Variants in EYS observed in about 807,000 individuals in gnomAD.
EYS encodes the protein protein eyes shut homolog.
A neutral mutation model predicts 282.1 loss-of-function variants in EYS; 250 were observed. That is an observed-to-expected ratio of 0.89 (90% CI 0.80 to 0.98). EYS has a LOEUF of 0.98. EYS is among the 50% of genes least tolerant of loss of function. EYS has a pLI of 0.00. For synonymous variants in EYS, 1,355 were observed against 1,282.9 expected (o/e 1.06, Z -1.20); for missense variants, 4,016 against 3,709.0 (o/e 1.08, Z -2.15).
At chr6:64,393,745 C>T in intron 28 of EYS, among the ~76,000 whole-genome samples, 1 of 151,606 alleles carries the variant, frequency 6.6e-6, no homozygotes, top group East Asian at 1.9e-4. Flanking sequence ...CCTCTCTCAC[C>T]ACTCCTATTC....
chr6:65,248,197 T>C (rs778410076), intron 12 of EYS, among the ~76,000 whole-genome samples: 2 of 152,106 alleles, frequency 1.3e-5, no homozygotes, highest in Non-Finnish European at 2.9e-5. Flanking sequence ...AGAAATATTT[T>C]ATTTTACATT....
intron 26 of EYS, among the ~76,000 whole-genome samples, chr6:64,443,800 C>T (rs1180707903): frequency 6.6e-6 from 1 of 152,120 alleles, no homozygotes; most frequent in Non-Finnish European, 1.5e-5. Flanking sequence ...TGTGAGGCCT[C>T]CCCAGCCATG....
At chr6:64,404,372 AGT>A (rs774352647) in intron 28 of EYS, among the ~76,000 whole-genome samples, 36,413 of 139,598 alleles carry the variant, frequency 0.26, 4,938 homozygotes, top group East Asian at 0.4. Context: ...TGTAATATAG[AGT>A]GTGAGAGTGT....
At chr6:64,197,284 G>A (rs1183716050) in intron 31 of EYS, among the ~76,000 whole-genome samples, 1 of 152,122 alleles carries the variant, frequency 6.6e-6, no homozygotes, top group African/African-American at 2.4e-5. Context: ...GTGTGTGTGT[G>A]CATTGAAATT....
chr6:64,902,397 T>C lies in EYS; in HGVS notation c.2738+7A>G, dbSNP rs1583277836. The C allele has an allele frequency of 6.5e-7, 1 of 1,532,998 alleles. No individual in the cohort carries two copies. The allele number at this position is 1,532,998 out of a possible 1,614,324, so 95.0% of individuals were successfully genotyped here. A position where few individuals can be genotyped will look rare whatever the true frequency, so the allele number is the denominator to read the frequency against. ...ATGTATCTAGATACTTTTTAAGTTT[T>C]CTGTACCTGAAATTGTTGACCATAT... On this transcript the variant is annotated splice_region_variant and intron_variant, in intron 17 of 42. Transcript: ENST00000503581.
chr6:65,368,129 T>A (rs528718998), intron 8 of EYS, among the ~76,000 whole-genome samples: 32 of 151,364 alleles, frequency 2.1e-4, no homozygotes, highest in Middle Eastern at 3.4e-3. Flanking sequence ...AAAAAAACCA[T>A]CAGATATTGT....
At chr6:65,425,315 C>A (rs1767618862) in intron 5 of EYS, among the ~76,000 whole-genome samples, 1 of 151,940 alleles carries the variant, frequency 6.6e-6, no homozygotes, top group South Asian at 2.1e-4. Flanking sequence ...AGTAAACGTG[C>A]AAAACAAGTA....
chr6:64,043,888 T>A (rs1770502515), intron 33 of EYS, among the ~76,000 whole-genome samples: 1 of 152,216 alleles, frequency 6.6e-6, no homozygotes, highest in South Asian at 2.1e-4. Flanking sequence ...TATGCCACCA[T>A]TACTGTTCCC....
At chr6:65,393,063 A>G (rs1319062825) in intron 7 of EYS, among the ~76,000 whole-genome samples, 1 of 151,940 alleles carries the variant, frequency 6.6e-6, no homozygotes, top group African/African-American at 2.4e-5. Flanking sequence ...TCAGTAAACT[A>G]TGGCAAGAAC....
chr6:64,999,286 T>C (rs1224019444), intron 13 of EYS, among the ~76,000 whole-genome samples: 2 of 152,246 alleles, frequency 1.3e-5, no homozygotes, highest in African/African-American at 4.8e-5. Context: ...TTTTCTCATA[T>C]GTAATTTGTT....
chr6:65,150,180 T>TG (rs1764578520), intron 12 of EYS, among the ~76,000 whole-genome samples: 1 of 152,042 alleles, frequency 6.6e-6, no homozygotes, highest in Admixed American at 6.6e-5. Flanking sequence ...CCTGTCATTA[T>TG]GGGGGGAAAT....
chr6:65,273,378 G>A (rs1767955247), intron 12 of EYS, among the ~76,000 whole-genome samples: 1 of 152,154 alleles, frequency 6.6e-6, no homozygotes, highest in Non-Finnish European at 1.5e-5. Flanking sequence ...AAACAATCAT[G>A]AGATAGAAAC....
chr6:64,196,655 A>G (rs1035623682), intron 31 of EYS, among the ~76,000 whole-genome samples: 3 of 151,512 alleles, frequency 2.0e-5, no homozygotes, highest in African/African-American at 7.3e-5. Flanking sequence ...CAAAAAACCA[A>G]ACACCGCATG....
chr6:64,414,297 G>A (rs1026648660), intron 28 of EYS, among the ~76,000 whole-genome samples: 2 of 152,116 alleles, frequency 1.3e-5, no homozygotes, highest in East Asian at 1.9e-4. Context: ...ATGGAGCCAT[G>A]CCTTCAAAAT....
intron 12 of EYS, among the ~76,000 whole-genome samples, chr6:65,237,204 G>C (rs1766949849): frequency 6.6e-6 from 1 of 152,086 alleles, no homozygotes; most frequent in African/African-American, 2.4e-5. Flanking sequence ...ATAAAAATTA[G>C]CTCTGCACTT....
intron 35 of EYS, among the ~76,000 whole-genome samples, chr6:63,905,559 T>C (rs1383963018): frequency 1.3e-5 from 2 of 152,116 alleles, no homozygotes; most frequent in Non-Finnish European, 2.9e-5. Context: ...CTCCATCTCC[T>C]GACCTCGTGA....
chr6:65,105,831 G>T (rs1011354876), intron 12 of EYS, among the ~76,000 whole-genome samples: 6 of 151,868 alleles, frequency 4.0e-5, no homozygotes, highest in South Asian at 2.1e-4. Flanking sequence ...ACATGCTATT[G>T]CTAGAGCAGG....
At chr6:64,249,410 G>A (rs1209432047) in intron 30 of EYS, among the ~76,000 whole-genome samples, 1 of 152,160 alleles carries the variant, frequency 6.6e-6, no homozygotes, top group Non-Finnish European at 1.5e-5. Context: ...GGTGGATGAT[G>A]AGAAATTACT....
At chr6:65,073,111 A>G (rs947152764) in intron 12 of EYS, among the ~76,000 whole-genome samples, 17 of 151,784 alleles carry the variant, frequency 1.1e-4, no homozygotes, top group Admixed American at 3.3e-4. Flanking sequence ...ATATATTCTA[A>G]TAAAATAACT....
Sources: allele counts gnomAD v4.1 joint callset (sites outside exome capture counted in the v4.1 genomes callset), GRCh38; gene constraint gnomAD v4.1.1; transcripts MANE v1.5; gene names NCBI Gene and HGNC (gene_info 2026-07-23, HGNC 2026-07-21).